CCT5: variants seen among roughly 807,000 people sequenced by gnomAD.
The protein encoded by CCT5 is T-complex protein 1 subunit epsilon.
A neutral mutation model predicts 55.0 loss-of-function variants in CCT5; 6 were observed. The ratio of observed to expected loss-of-function variants is 0.11; its 90% CI spans 0.06 to 0.22. The LOEUF (loss-of-function observed/expected upper bound fraction) is 0.22, where lower values mean the gene tolerates loss of function less well. Among genes scored for constraint, CCT5 ranks in the 10% least tolerant of loss-of-function variants. The pLI is 1.00. For missense variants in CCT5, 560 were observed against 694.6 expected (o/e 0.81, Z 2.18); for synonymous variants, 231 against 243.7 (o/e 0.95, Z 0.49).
chr5:10,249,928 A>AAAAAC, upstream of CCT5: 6 of 883,186 alleles, frequency 6.8e-6, no homozygotes, highest in Non-Finnish European at 7.1e-6. Context: ...AAAAAAAAAA[A>AAAAAC]AAAAAACCGG....
intron 10 of CCT5, 189 bp from the exon 11 acceptor site, chr5:10,264,467 G>A: frequency 3.5e-6 from 2 of 572,558 alleles, no homozygotes; most frequent in Non-Finnish European, 6.3e-6. Flanking sequence ...GAGTTCCAGA[G>A]TGTCCTTGGA....
intron 8 of CCT5, chr5:10,262,092 C>G: frequency 2.5e-6 from 1 of 393,660 alleles, no homozygotes; most frequent in South Asian, 2.2e-5. Context: ...CAACATAAGA[C>G]TCATTTTAAT....
chr5:10,262,889 T>C (rs1746034694), intron 9 of CCT5, among the ~76,000 whole-genome samples: 1 of 152,266 alleles, frequency 6.6e-6, no homozygotes, highest in Non-Finnish European at 1.5e-5. Flanking sequence ...ATTAATATTA[T>C]AACTTAAAAA....
intron 9 of CCT5, 35 bp downstream of exon 9, chr5:10,262,653 G>A (rs1174347445): frequency 6.2e-7 from 1 of 1,611,964 alleles, no homozygotes; most frequent in Non-Finnish European, 8.5e-7. Context: ...GAAAGATTCA[G>A]GCCTCGCTGA....
chr5:10,258,069 A>T (rs777975926), intron 4 of CCT5, 42 bp from the exon 5 acceptor site: 3 of 1,588,964 alleles, frequency 1.9e-6, no homozygotes, highest in East Asian at 4.5e-5. Flanking sequence ...GGTTGCAGTA[A>T]TTGTGAAACC....
Position 10,264,657 on chromosome 5 carries a change from T to C in CCT5, c.1500T>C (p.Asp500=). The C allele has an allele frequency of 6.2e-7, 1 of 1,603,476 alleles. No homozygotes were observed. Among genetic ancestry groups the C allele is most frequent in the South Asian group, 1.1e-5 (1 of 90,874 alleles). The change falls in exon 11 of 11, where the codon GAT becomes GAC. Residue 500 remains aspartate (D), a splice_region_variant and synonymous_variant. Transcript: ENST00000280326. The stretch of plus-strand genomic sequence containing the variant: ...AATCAGTGTCCTTGTATTTTTCAGA[T>C]ATGAAGCAACAGCATGTCATAGAAA... ...GIDCLHKGTN[D]MKQQHVIETL...
chr5:10,254,325 C>T, intron 2 of CCT5, 120 bp downstream of exon 2: 2 of 752,528 alleles, frequency 2.7e-6, no homozygotes, highest in Non-Finnish European at 4.6e-6. Context: ...TTAACACAGC[C>T]AAAATTTTTT....
chr5:10,252,614 CAAA>C (rs35768596), intron 1 of CCT5, among the ~76,000 whole-genome samples: 3 of 119,944 alleles, frequency 2.5e-5, no homozygotes, highest in Non-Finnish European at 3.3e-5. Flanking sequence ...GACTCCGTCT[CAAA>C]AAAAAAAAAA....
chr5:10,250,868 T>G (rs1237196998), intron 1 of CCT5: 1 of 1,045,222 alleles, frequency 9.6e-7, no homozygotes, highest in Non-Finnish European at 1.2e-6. Context: ...GCAACGGCCC[T>G]TCCGTTTTCT....
chr5:10,264,539 G>T, intron 10 of CCT5, 117 bp from the exon 11 acceptor site: 1 of 765,604 alleles, frequency 1.3e-6, no homozygotes, highest in Non-Finnish European at 2.4e-6. Flanking sequence ...TTCCTGCTTG[G>T]CTTCCAGGAG....
intron 2 of CCT5, 34 bp downstream of exon 2, chr5:10,254,239 A>G (rs751965723): frequency 7.2e-7 from 1 of 1,381,198 alleles, no homozygotes; most frequent in East Asian, 2.3e-5. Context: ...TTTTAGCAAA[A>G]GATTTAAATT....
rs948492841 is a variant in CCT5 at position 10,250,584 on chromosome 5, G to C, written c.105+139G>C. The C allele has an allele frequency of 1.1e-5, 16 of 1,488,842 alleles. No homozygotes were observed. The African/African-American group carries it at 1.5e-4, about 14-fold the overall frequency. 92.2% of individuals were successfully genotyped at this position (1,488,842 alleles called of 1,614,324 possible). On this transcript the variant is annotated intron_variant, in intron 1 of 10. Transcript: ENST00000280326. ...GAATCTCCGTCTCCCTGCGGTCTCC[G>C]GCCGCTCAGCCCGCTTACTGAGCTC...
At chr5:10,263,009 C>A (rs1009855809) in intron 9 of CCT5, 125 bp from the exon 10 acceptor site, 5 of 795,042 alleles carry the variant, frequency 6.3e-6, no homozygotes, top group Non-Finnish European at 1.1e-5. Context: ...AAAATAAAGA[C>A]AGCCTGTTCT....
intron 6 of CCT5, among the ~76,000 whole-genome samples, chr5:10,258,775 A>G (rs1745807053): frequency 6.6e-6 from 1 of 152,226 alleles, no homozygotes; most frequent in Non-Finnish European, 1.5e-5. Context: ...TAAGGCAGGC[A>G]GATCGTGAGA....
intron 10 of CCT5, among the ~76,000 whole-genome samples, chr5:10,263,742 G>A (rs183792789): frequency 6.6e-6 from 1 of 152,300 alleles, no homozygotes; most frequent in African/African-American, 2.4e-5. Flanking sequence ...GTAGCCACTT[G>A]TGTAGCTCGG....
At position 10,263,256 on chromosome 5, in the gene CCT5, A is replaced by G; in HGVS notation, c.1440A>G (p.Arg480=). Residue 480 remains arginine (R), a synonymous_variant, in exon 10 of 11, where the codon AGA becomes AGG. Transcript: ENST00000280326. ...AGACTATGACCGAAGTCCGAGCCAG[A>G]CAGGTGAAGGAGATGAACCCTGCTC... The part of the protein sequence containing the change: ...PIQTMTEVRA[R]QVKEMNPALG... 3 of 1,614,046 alleles carry G rather than the reference A, an allele frequency of 1.9e-6. No individual in the cohort carries two copies. Among genetic ancestry groups the G allele is most frequent in the Non-Finnish European group, 2.5e-6 (3 of 1,180,004 alleles).
At chr5:10,259,987 G>A (rs1745877054) in intron 6 of CCT5, among the ~76,000 whole-genome samples, 1 of 152,222 alleles carries the variant, frequency 6.6e-6, no homozygotes, top group Non-Finnish European at 1.5e-5. Flanking sequence ...GCATGTGAGA[G>A]GGAAAGCAGC....
At chr5:10,255,480 C>T (rs1166002762) in intron 3 of CCT5, among the ~76,000 whole-genome samples, 2 of 150,402 alleles carry the variant, frequency 1.3e-5, no homozygotes, top group Middle Eastern at 3.2e-3. Flanking sequence ...TTATTGGATA[C>T]TATTGTATGC....
chr5:10,263,097 C>T lies in CCT5; in HGVS notation c.1318-37C>T, dbSNP rs552978718. Reference sequence around the variant, plus strand: ...ACGGTGCCGCTGGGTTGTTTTGTTTCGCCAAGTGCACTCACCATACTTCTG... The same window carrying T: ...ACGGTGCCGCTGGGTTGTTTTGTTTTGCCAAGTGCACTCACCATACTTCTG... On this transcript the variant is annotated intron_variant, in intron 9 of 10. Coordinates refer to ENST00000280326, the MANE Select transcript of CCT5 (RefSeq NM_012073.5). 30 of 1,594,092 alleles carry T rather than the reference C, an allele frequency of 1.9e-5. No individual in the cohort carries two copies. The South Asian group carries it at 2.3e-4, about 12-fold the overall frequency.
Sources: allele counts gnomAD v4.1 joint callset (sites outside exome capture counted in the v4.1 genomes callset), GRCh38; gene constraint gnomAD v4.1.1; transcripts MANE v1.5; gene names NCBI Gene and HGNC (gene_info 2026-07-23, HGNC 2026-07-21).